Variants in CEP128 observed in about 807,000 individuals in gnomAD.
CEP128 encodes centrosomal protein 128.
CEP128 carries 132 observed loss-of-function variants against 156.7 expected under a neutral mutation model. That is an observed-to-expected ratio of 0.84 (90% CI 0.73 to 0.97). CEP128 has a LOEUF of 0.97. CEP128 is among the 50% of genes least tolerant of loss of function. CEP128 has a pLI of 0.00. For missense variants in CEP128, 1,252 were observed against 1,281.9 expected (o/e 0.98, Z 0.36); for synonymous variants, 469 against 448.9 (o/e 1.04, Z -0.57).
intron 9 of CEP128, among the ~76,000 whole-genome samples, chr14:80,847,481 G>T (rs1264398478): frequency 2.0e-5 from 3 of 152,112 alleles, no homozygotes; most frequent in Admixed American, 2.0e-4. Context: ...AATTAGTATG[G>T]TGTATGATGA....
chr14:80,526,709 A>T (rs1322709762), intron 23 of CEP128, 160 bp downstream of exon 23: 2 of 477,348 alleles, frequency 4.2e-6, no homozygotes, highest in Admixed American at 6.9e-5. Flanking sequence ...CTGGATTTTT[A>T]TTCTCCATTT....
rs150450640 is a variant in CEP128, at chr14:80,599,770, T to A, written c.2807-19347A>T. Among the ~76,000 whole-genome samples, 859 of 152,142 alleles carry A rather than the reference T, an allele frequency of 5.6e-3. 6 individuals are homozygous for A. Among genetic ancestry groups the A allele is most frequent in the African/African-American group, 0.02 (820 of 41,524 alleles). On this transcript the variant is annotated intron_variant, in intron 19 of 24. Coordinates refer to ENST00000555265, the MANE Select transcript of CEP128 (RefSeq NM_152446.5). ...GTACAAAAAAACCTAAAGGAAATCATACCCAAAGAACTGAGGAAAAGTATG... is the reference window on the plus strand; with the variant it reads ...GTACAAAAAAACCTAAAGGAAATCAAACCCAAAGAACTGAGGAAAAGTATG...
chr14:80,941,005 T>A (rs1886121571), intron 1 of CEP128, among the ~76,000 whole-genome samples: 1 of 152,190 alleles, frequency 6.6e-6, no homozygotes, highest in East Asian at 1.9e-4. Context: ...ATTGGCTCCA[T>A]CAAACCAATA....
intron 19 of CEP128, among the ~76,000 whole-genome samples, chr14:80,630,494 A>C (rs1324369489): frequency 6.6e-6 from 1 of 152,040 alleles, no homozygotes; most frequent in African/African-American, 2.4e-5. Flanking sequence ...ACATTATGAA[A>C]GATTCTTTAG....
chr14:80,849,584 A>G (rs1440634034), intron 9 of CEP128, among the ~76,000 whole-genome samples: 2 of 152,220 alleles, frequency 1.3e-5, no homozygotes, highest in Non-Finnish European at 2.9e-5. Flanking sequence ...AAGAAATAAC[A>G]GCTTTTCATT....
chr14:80,614,610 C>T (rs2140610752), intron 19 of CEP128, among the ~76,000 whole-genome samples: 1 of 152,246 alleles, frequency 6.6e-6, no homozygotes, highest in South Asian at 2.1e-4. Flanking sequence ...AAACCCTGTC[C>T]CACCCAGGTA....
Position 80,497,361 on chromosome 14 carries a change from AC to A in CEP128, c.*117del. On this transcript the variant is annotated 3_prime_UTR_variant, in exon 25 of 25. Transcript: ENST00000555265. ...GTCACTTTTGTCAATGTTTGGCAAT[AC>A]CAAAGAGCCAAAGCTGCAGGTATGT... The A allele has an allele frequency of 1.5e-6, 1 of 656,468 alleles. No homozygotes were observed. The highest frequency in any genetic ancestry group is 2.6e-6 in the Non-Finnish European group (1 of 381,212). 40.7% of individuals were successfully genotyped at this position (656,468 alleles called of 1,614,324 possible).
chr14:80,744,474 TA>T (rs756684552), intron 18 of CEP128, among the ~76,000 whole-genome samples: 11 of 152,062 alleles, frequency 7.2e-5, no homozygotes, highest in Non-Finnish European at 1.3e-4. Flanking sequence ...GAAATAACCG[TA>T]AGTGCTAAAA....
chr14:80,477,013 TATTTTTTA>T lies in CEP128; in HGVS notation c.*1697_*1704del, dbSNP rs1265410657. 8 of 152,324 alleles carry T rather than the reference TATTTTTTA, an allele frequency of 5.3e-5. No individual in the cohort carries two copies. The East Asian group carries it at 1.5e-3, about 29-fold the overall frequency. The allele number at this position is 152,324 out of a possible 1,614,324, so 9.4% of individuals were successfully genotyped here. ...TACATTTAATGTTTATTTATTTTTT[TATTTTTTA>T]AGCATAAGAAAACCAAAGGCACATT... On this transcript the variant is annotated 3_prime_UTR_variant and NMD_transcript_variant, in exon 15 of 15. Coordinates refer to the CEP128 transcript ENST00000554502.
rs117820477 is a variant in CEP128 at position 80,607,850 on chromosome 14, C to T, written c.2807-27427G>A. ...AGCTTCCCCCACCTTCTCCTAAAGT[C>T]GATTTCAGTTTTAAGTCCTACCCTC... On this transcript the variant is annotated intron_variant, in intron 19 of 24. Transcript: ENST00000555265. Among the ~76,000 whole-genome samples, 847 of 152,224 alleles carry T rather than the reference C, an allele frequency of 5.6e-3. 9 individuals carry two copies. Among genetic ancestry groups the T allele is most frequent in the Non-Finnish European group, 6.6e-3 (448 of 68,004 alleles).
chr14:80,569,678 T>C (rs1891057047), intron 20 of CEP128, among the ~76,000 whole-genome samples: 1 of 152,258 alleles, frequency 6.6e-6, no homozygotes. Context: ...AGTTAACAGT[T>C]AAACTAGTTC....
chr14:80,892,952 T>C (rs1374347823), intron 8 of CEP128, among the ~76,000 whole-genome samples: 1 of 151,884 alleles, frequency 6.6e-6, no homozygotes, highest in East Asian at 1.9e-4. Context: ...AACTACCATA[T>C]GACCCAGTGA....
At chr14:80,554,073 T>C (rs1890327445) in intron 21 of CEP128, among the ~76,000 whole-genome samples, 1 of 152,146 alleles carries the variant, frequency 6.6e-6, no homozygotes. Context: ...ATGATGGTGG[T>C]GGTGGTGGAA....
intron 21 of CEP128, among the ~76,000 whole-genome samples, chr14:80,539,933 T>A (rs939077394): frequency 3.3e-5 from 5 of 152,134 alleles, no homozygotes; most frequent in Non-Finnish European, 7.4e-5. Flanking sequence ...CCCTCAGGCT[T>A]ACTAGAGTGG....
At chr14:80,783,713 A>C (rs1464038997) in intron 15 of CEP128, among the ~76,000 whole-genome samples, 1 of 152,136 alleles carries the variant, frequency 6.6e-6, no homozygotes, top group African/African-American at 2.4e-5. Context: ...ACATTTGACC[A>C]TCTCTGACCT....
At chr14:80,659,999 T>A (rs571455546) in intron 19 of CEP128, among the ~76,000 whole-genome samples, 1 of 152,272 alleles carries the variant, frequency 6.6e-6, no homozygotes, top group East Asian at 1.9e-4. Context: ...CTGAACAGTA[T>A]GTGGTAAAGC....
chr14:80,540,802 C>CCCA (rs1314355538), intron 21 of CEP128, among the ~76,000 whole-genome samples: 4 of 152,016 alleles, frequency 2.6e-5, no homozygotes, highest in African/African-American at 4.8e-5. Context: ...AACTCTGAGA[C>CCCA]CCACCTCAGG....
chr14:80,477,224 C>A (rs1013785371), exon 15 of CEP128: 12 of 152,186 alleles, frequency 7.9e-5, no homozygotes, highest in African/African-American at 2.4e-4. Flanking sequence ...TTATGAAAAT[C>A]CATATATTCT....
chr14:80,656,291 T>TTATATATA (rs1159139132), intron 19 of CEP128, among the ~76,000 whole-genome samples: 3 of 25,698 alleles, frequency 1.2e-4, no homozygotes, highest in African/African-American at 1.7e-4. Flanking sequence ...ATATATATAT[T>TTATATATA]TATATATATA....
Sources: allele counts gnomAD v4.1 joint callset (sites outside exome capture counted in the v4.1 genomes callset), GRCh38; gene constraint gnomAD v4.1.1; transcripts MANE v1.5; gene names NCBI Gene and HGNC (gene_info 2026-07-23, HGNC 2026-07-21).